The following C13orf46 variants were observed in gnomAD, a reference collection of about 807,000 sequenced individuals.
The protein encoded by C13orf46 is uncharacterized protein C13orf46.
At chr13:113,946,535 G>A in the C13orf46 span, among the ~76,000 whole-genome samples, 16 of 152,234 alleles carry the variant, frequency 1.1e-4, no homozygotes, top group Non-Finnish European at 1.6e-4. Flanking sequence ...GGTCAGCTGT[G>A]TCAGGTAGTA....
the C13orf46 span, among the ~76,000 whole-genome samples, chr13:113,933,033 T>G: frequency 1.1e-4 from 17 of 152,064 alleles, no homozygotes; most frequent in African/African-American, 4.1e-4. Flanking sequence ...CCCAGAAAAT[T>G]TTTGTATTTT....
chr13:113,949,991 A>C (rs2052482625), downstream of C13orf46, among the ~76,000 whole-genome samples: 3 of 147,772 alleles, frequency 2.0e-5, no homozygotes, highest in South Asian at 6.4e-4. Context: ...CCATCTGTAG[A>C]GTGGGGTCCT....
the C13orf46 span, chr13:113,927,862 G>C: frequency 1.1e-5 from 4 of 367,842 alleles, no homozygotes; most frequent in Admixed American, 1.9e-4. Context: ...TCAAGATCCG[G>C]GGAAGATTCT....
At chr13:113,951,345 C>CG (rs2052487865), downstream of C13orf46, among the ~76,000 whole-genome samples, 1 of 152,184 alleles carries the variant, frequency 6.6e-6, no homozygotes, top group African/African-American at 2.4e-5. Flanking sequence ...GTCGTCCCTG[C>CG]GGGCCGGGCT....
At chr13:113,931,522 C>T in the C13orf46 span, among the ~76,000 whole-genome samples, 6 of 152,274 alleles carry the variant, frequency 3.9e-5, no homozygotes, top group African/African-American at 1.2e-4. Flanking sequence ...TGGGGATGAG[C>T]GCCCCTCAGA....
At chr13:113,967,177 G>A (rs2052658289) in intron 5 of C13orf46, among the ~76,000 whole-genome samples, 164 bp downstream of exon 5, 2 of 152,170 alleles carry the variant, frequency 1.3e-5, no homozygotes, top group African/African-American at 2.4e-5. Context: ...CAACACCAGG[G>A]AGCTCTCCTG....
chr13:113,958,324 G>A (rs1337117187), intron 6 of C13orf46, among the ~76,000 whole-genome samples: 5 of 152,216 alleles, frequency 3.3e-5, no homozygotes, highest in African/African-American at 1.2e-4. Context: ...TGGCGGATGA[G>A]AAGCCCAGTT....
chr13:113,963,324 C>T lies in C13orf46; in HGVS notation c.572+1603G>A, dbSNP rs1232894977. Among the ~76,000 whole-genome samples, 6 of 82,896 alleles carry T rather than the reference C, an allele frequency of 7.2e-5. 2 individuals carry two copies. In the East Asian group the frequency reaches 3.0e-3, roughly 42 times the overall value. 54.4% of individuals were successfully genotyped at this position (82,896 alleles called of 152,430 possible). ...TCACCCCTGTCCTCAGCCTCGGTCC[C>T]TGTCCTCAGCCCTCGCCCCGTCCTC... On this transcript the variant is annotated intron_variant, in intron 6 of 6. Transcript: ENST00000636427.
chr13:113,948,736 T>C (rs911355427), downstream of C13orf46, among the ~76,000 whole-genome samples: 1 of 152,182 alleles, frequency 6.6e-6, no homozygotes, highest in African/African-American at 2.4e-5. Flanking sequence ...GTGCATGAGC[T>C]TATCACCTAA....
At position 113,963,660 on chromosome 13, in the gene C13orf46, CTT is replaced by C. The variant is rs1594248546; in HGVS notation, c.572+1265_572+1266del. 5.2e-3 allele frequency among the ~76,000 whole-genome samples: 466 copies of C among 88,786 alleles called. 9 individuals carry two copies. In the East Asian group the frequency reaches 0.071, roughly 14 times the overall value. The allele number at this position is 88,786 out of a possible 152,430, so 58.2% of individuals were successfully genotyped here. Reference sequence around the variant, plus strand: ...CTCCTCAGCCTCGCCCGTCCTCAGCCTTGCCCCTGTCCTCAGCCACGGCCCCT... The same window carrying C: ...CTCCTCAGCCTCGCCCGTCCTCAGCCGCCCCTGTCCTCAGCCACGGCCCCT... On this transcript the variant is annotated intron_variant, in intron 6 of 6. Coordinates refer to ENST00000636427, the MANE Select transcript of C13orf46 (RefSeq NM_001365455.2).
At chr13:113,957,909 C>T (rs1371887646) in intron 6 of C13orf46, among the ~76,000 whole-genome samples, 2,971 of 141,632 alleles carry the variant, frequency 0.021, 47 homozygotes, top group Non-Finnish European at 0.032. Context: ...TCATCAAGCA[C>T]ACTGGGGTCT....
rs964989085 is a variant in C13orf46, at chr13:113,968,920, G to A, written c.243-160C>T. ...TGACCCAGCACAGAGTTCTGGCTCT[G>A]AAGGGCCCCACAGCCTGGCCCTCCT... On this transcript the variant is annotated intron_variant, in intron 2 of 6. Transcript: ENST00000636427. Among the ~76,000 whole-genome samples the A allele has an allele frequency of 5.9e-5, 9 of 152,334 alleles. No individual in the cohort carries two copies. The East Asian group carries it at 1.7e-3, about 29-fold the overall frequency.
chr13:113,953,371 C>T (rs1036236970), downstream of C13orf46, among the ~76,000 whole-genome samples: 2 of 152,276 alleles, frequency 1.3e-5, no homozygotes, highest in African/African-American at 4.8e-5. Context: ...GAACTTTACC[C>T]CCCGTGGCAA....
intron 4 of C13orf46, among the ~76,000 whole-genome samples, chr13:113,968,078 G>A (rs1473862817): frequency 6.6e-6 from 1 of 152,296 alleles, no homozygotes; most frequent in East Asian, 1.9e-4. Context: ...CAGCTTGGAG[G>A]GAGAACAAAA....
downstream of C13orf46, among the ~76,000 whole-genome samples, chr13:113,952,553 C>T (rs957688880): frequency 1.3e-5 from 2 of 152,228 alleles, no homozygotes; most frequent in African/African-American, 4.8e-5. Context: ...GGTCAGGGGC[C>T]AGTGGGGACT....
chr13:113,936,678 G>T, the C13orf46 span, among the ~76,000 whole-genome samples: 2 of 152,208 alleles, frequency 1.3e-5, no homozygotes, highest in Non-Finnish European at 2.9e-5. Context: ...TAGTTTAGGG[G>T]AAGAGAGTCG....
At chr13:113,945,571 AAGAAAG>A in the C13orf46 span, among the ~76,000 whole-genome samples, 2 of 72,300 alleles carry the variant, frequency 2.8e-5, no homozygotes, top group Non-Finnish European at 6.2e-5. Context: ...GAAAGAAAGA[AAGAAAG>A]AGAGAGAGAG....
intron 4 of C13orf46, 59 bp downstream of exon 4, chr13:113,968,408 A>C (rs1406929240): frequency 1.3e-5 from 2 of 152,196 alleles, no homozygotes; most frequent in African/African-American, 4.8e-5. Context: ...GCTCCGGCAG[A>C]ACTCCCGCCT....
At chr13:113,929,113 C>T in the C13orf46 span, among the ~76,000 whole-genome samples, 1 of 152,264 alleles carries the variant, frequency 6.6e-6, no homozygotes, top group South Asian at 2.1e-4. Context: ...TCTGGCCTCG[C>T]AGGTCCCCAG....
Sources: allele counts gnomAD v4.1 joint callset (sites outside exome capture counted in the v4.1 genomes callset), GRCh38; gene constraint gnomAD v4.1.1; transcripts MANE v1.5; gene names NCBI Gene and HGNC (gene_info 2026-07-23, HGNC 2026-07-21).